The following SPAG16 variants were observed in gnomAD, a reference collection of about 807,000 sequenced individuals.
SPAG16 encodes sperm associated antigen 16.
A neutral mutation model predicts 80.4 loss-of-function variants in SPAG16; 86 were observed. The ratio of observed to expected loss-of-function variants is 1.07; its 90% CI spans 0.90 to 1.28. The LOEUF is 1.28. Among genes scored for constraint, SPAG16 ranks in the 50% most tolerant of loss-of-function variants. The pLI is 0.00. For synonymous variants in SPAG16, 294 were observed against 265.9 expected, an observed-to-expected ratio of 1.11 and a Z score of -1.03; for missense variants, 870 against 765.3, an observed-to-expected ratio of 1.14 and a Z score of -1.61.
chr2:213,412,835 A>G (rs16850287), intron 9 of SPAG16, among the ~76,000 whole-genome samples: 3,622 of 152,308 alleles, frequency 0.024, 61 homozygotes, highest in African/African-American at 0.039. Flanking sequence ...GTAGAGGCAA[A>G]TAATAGTGTC....
At chr2:214,140,967 C>CAG (rs1345783172) in intron 14 of SPAG16, among the ~76,000 whole-genome samples, 5 of 141,848 alleles carry the variant, frequency 3.5e-5, no homozygotes, top group Non-Finnish European at 7.6e-5. Flanking sequence ...GGGGATGTGA[C>CAG]AGAGAGAGAG....
At chr2:213,442,282 T>G (rs941642276) in intron 9 of SPAG16, among the ~76,000 whole-genome samples, 4 of 152,234 alleles carry the variant, frequency 2.6e-5, no homozygotes, top group African/African-American at 4.8e-5. Context: ...AAGAACTAAA[T>G]AAATGGAGAT....
chr2:213,647,261 CAGTTATG>C (rs1416452380), intron 10 of SPAG16, among the ~76,000 whole-genome samples: 5 of 152,114 alleles, frequency 3.3e-5, no homozygotes, highest in African/African-American at 1.2e-4. Context: ...ATGCATGAAT[CAGTTATG>C]ACAGTATCAT....
At chr2:214,136,851 T>A (rs2055080904) in intron 14 of SPAG16, among the ~76,000 whole-genome samples, 1 of 152,190 alleles carries the variant, frequency 6.6e-6, no homozygotes. Flanking sequence ...GAAATACTAA[T>A]TTTCCTCCTA....
At chr2:213,372,931 T>A (rs2066713057) in intron 8 of SPAG16, among the ~76,000 whole-genome samples, 1 of 152,150 alleles carries the variant, frequency 6.6e-6, no homozygotes, top group Admixed American at 6.5e-5. Flanking sequence ...TGTACACACA[T>A]GAAGGAACAA....
intron 9 of SPAG16, among the ~76,000 whole-genome samples, chr2:213,376,720 C>T (rs1186018771): frequency 2.6e-5 from 4 of 152,030 alleles, no homozygotes; most frequent in African/African-American, 9.7e-5. Flanking sequence ...TAATTGATAA[C>T]ATTTACATTT....
chr2:213,946,593 G>A (rs2079485214), intron 12 of SPAG16, among the ~76,000 whole-genome samples: 1 of 152,076 alleles, frequency 6.6e-6, no homozygotes, highest in Non-Finnish European at 1.5e-5. Context: ...AATTTTCCCG[G>A]TGATAATATT....
intron 13 of SPAG16, among the ~76,000 whole-genome samples, chr2:214,044,871 A>C (rs1185334905): frequency 6.6e-6 from 1 of 152,192 alleles, no homozygotes. Flanking sequence ...GGAATTGCCC[A>C]TCCCAGTGGT....
chr2:213,737,614 A>G (rs1481194477), intron 10 of SPAG16, among the ~76,000 whole-genome samples: 2 of 150,040 alleles, frequency 1.3e-5, no homozygotes, highest in African/African-American at 2.5e-5. Flanking sequence ...CAGCCTCCCG[A>G]GTAGCTGGGA....
intron 12 of SPAG16, among the ~76,000 whole-genome samples, chr2:214,002,236 G>T (rs2046826061): frequency 6.6e-6 from 1 of 152,068 alleles, no homozygotes; most frequent in Non-Finnish European, 1.5e-5. Flanking sequence ...TATTAATAAA[G>T]AAATAGTTTA....
chr2:213,590,030 A>C (rs1443012255), intron 10 of SPAG16, among the ~76,000 whole-genome samples: 1 of 151,916 alleles, frequency 6.6e-6, no homozygotes, highest in African/African-American at 2.4e-5. Flanking sequence ...ATTCTTCTTC[A>C]GTTTGCATAA....
chr2:213,729,019 GATAGTAACATTA>G (rs2066913315), intron 10 of SPAG16, among the ~76,000 whole-genome samples: 1 of 151,390 alleles, frequency 6.6e-6, no homozygotes, highest in South Asian at 2.1e-4. Context: ...TTTTGATGGG[GATAGTAACATTA>G]ATAGGTGATC....
At chr2:213,786,453 G>A (rs1407449350) in intron 10 of SPAG16, among the ~76,000 whole-genome samples, 1 of 152,148 alleles carries the variant, frequency 6.6e-6, no homozygotes, top group African/African-American at 2.4e-5. Context: ...TGAACTAAAT[G>A]GATTTTAGCT....
intron 10 of SPAG16, among the ~76,000 whole-genome samples, chr2:213,830,375 G>C (rs1486240190): frequency 1.3e-5 from 2 of 152,182 alleles, no homozygotes; most frequent in Non-Finnish European, 2.9e-5. Context: ...GTGAGGGGTA[G>C]TGTTGGCAAA....
At chr2:213,944,010 G>A (rs1235187004) in intron 12 of SPAG16, among the ~76,000 whole-genome samples, 1 of 152,188 alleles carries the variant, frequency 6.6e-6, no homozygotes, top group Non-Finnish European at 1.5e-5. Context: ...TTCAAGACAA[G>A]AGAAGAATGA....
At chr2:214,381,087 T>C (rs1250150237) in intron 15 of SPAG16, among the ~76,000 whole-genome samples, 1 of 152,198 alleles carries the variant, frequency 6.6e-6, no homozygotes, top group Non-Finnish European at 1.5e-5. Context: ...GGAAAGTTGG[T>C]ATGCTTGATG....
intron 14 of SPAG16, among the ~76,000 whole-genome samples, chr2:214,126,305 C>T (rs2054495212): frequency 6.6e-6 from 1 of 150,738 alleles, no homozygotes; most frequent in Non-Finnish European, 1.5e-5. Flanking sequence ...GTTTCTATGA[C>T]TCATTCATGG....
At chr2:213,741,289 C>T (rs1232321700) in intron 10 of SPAG16, among the ~76,000 whole-genome samples, 1 of 151,976 alleles carries the variant, frequency 6.6e-6, no homozygotes, top group Non-Finnish European at 1.5e-5. Flanking sequence ...ATTTCCATTT[C>T]AAAAATAAAG....
intron 10 of SPAG16, among the ~76,000 whole-genome samples, chr2:213,560,831 A>G (rs2059577556): frequency 6.6e-6 from 1 of 152,174 alleles, no homozygotes; most frequent in African/African-American, 2.4e-5. Flanking sequence ...CTATCTTTCA[A>G]CTACACACAA....
Sources: allele counts gnomAD v4.1 joint callset (sites outside exome capture counted in the v4.1 genomes callset), GRCh38; gene constraint gnomAD v4.1.1; transcripts MANE v1.5; gene names NCBI Gene and HGNC (gene_info 2026-07-23, HGNC 2026-07-21).